Variants in RANBP2 observed in about 807,000 individuals in gnomAD.
RANBP2 encodes the protein RAN binding protein 2.
A neutral mutation model predicts 303.6 loss-of-function variants in RANBP2; 57 were observed. The observed-to-expected ratio is 0.19, with a 90% CI of 0.15 to 0.23. RANBP2 has a LOEUF of 0.23. Ranked by LOEUF, RANBP2 falls within the 10% of genes least tolerant of loss-of-function variation. RANBP2 has a pLI of 1.00. For synonymous variants in RANBP2, 1,167 were observed against 1,301.5 expected (o/e 0.90, Z 2.23); for missense variants, 3,138 against 3,780.8 (o/e 0.83, Z 4.46).
the RANBP2 span, among the ~76,000 whole-genome samples, chr2:109,637,605 G>T: frequency 6.6e-6 from 1 of 152,146 alleles, no homozygotes; most frequent in African/African-American, 2.4e-5. Flanking sequence ...CAAGTATACT[G>T]CTTGTAAACA....
At chr2:109,369,616 C>T in the RANBP2 span, among the ~76,000 whole-genome samples, 1 of 152,168 alleles carries the variant, frequency 6.6e-6, no homozygotes, top group Admixed American at 6.5e-5. Context: ...GTGATTGCCT[C>T]TGGTGGCCCC....
chr2:108,999,627 T>A, the RANBP2 span, among the ~76,000 whole-genome samples: 20 of 152,234 alleles, frequency 1.3e-4, no homozygotes, highest in African/African-American at 4.8e-4. Flanking sequence ...CCTGGTAGGC[T>A]GAGGGTGAAA....
chr2:109,574,166 T>C, the RANBP2 span, among the ~76,000 whole-genome samples: 1 of 152,032 alleles, frequency 6.6e-6, no homozygotes, highest in Non-Finnish European at 1.5e-5. Context: ...GCGCTGGGCA[T>C]GGTGGCTCAT....
chr2:109,028,433 C>T, the RANBP2 span, among the ~76,000 whole-genome samples: 1 of 152,222 alleles, frequency 6.6e-6, no homozygotes, highest in Non-Finnish European at 1.5e-5. Context: ...GGCCCTGCTG[C>T]TGCACCCTGG....
At chr2:108,938,733 C>T in the RANBP2 span, among the ~76,000 whole-genome samples, 1 of 147,674 alleles carries the variant, frequency 6.8e-6, no homozygotes, top group East Asian at 2.0e-4. Flanking sequence ...GAAAAGTTAT[C>T]ATAACTAACA....
the RANBP2 span, among the ~76,000 whole-genome samples, chr2:109,320,045 G>A: frequency 6.6e-6 from 1 of 152,154 alleles, no homozygotes; most frequent in Non-Finnish European, 1.5e-5. Flanking sequence ...AGGTCTTCAC[G>A]GAGCTACTTC....
chr2:109,054,264 A>C, the RANBP2 span, among the ~76,000 whole-genome samples: 2 of 152,192 alleles, frequency 1.3e-5, no homozygotes, highest in Admixed American at 6.5e-5. Flanking sequence ...GGTCTATGCA[A>C]GAGGAGCTTC....
the RANBP2 span, among the ~76,000 whole-genome samples, chr2:108,876,821 A>G: frequency 6.6e-6 from 1 of 152,164 alleles, no homozygotes; most frequent in African/African-American, 2.4e-5. Context: ...TGGAGCATGT[A>G]TATACAAGGC....
the RANBP2 span, chr2:109,347,910 G>A: frequency 6.2e-7 from 1 of 1,610,246 alleles, no homozygotes; most frequent in East Asian, 2.2e-5. Flanking sequence ...TCGAGATGAA[G>A]GACAAAGACC....
chr2:109,052,885 G>A, the RANBP2 span, among the ~76,000 whole-genome samples: 1 of 152,166 alleles, frequency 6.6e-6, no homozygotes, highest in Non-Finnish European at 1.5e-5. Flanking sequence ...ATTACTAGAG[G>A]AAACTCTCAC....
At chr2:109,334,548 G>T in the RANBP2 span, among the ~76,000 whole-genome samples, 1 of 152,120 alleles carries the variant, frequency 6.6e-6, no homozygotes, top group Non-Finnish European at 1.5e-5. Flanking sequence ...GCCAGCAGGG[G>T]AACCCTCACC....
chr2:109,140,078 G>A, the RANBP2 span, among the ~76,000 whole-genome samples: 306 of 152,288 alleles, frequency 2.0e-3, 7 homozygotes, highest in South Asian at 0.046. Flanking sequence ...ACAGGTCTGC[G>A]GAAGGCTTTC....
the RANBP2 span, among the ~76,000 whole-genome samples, chr2:109,186,029 C>T: frequency 6.6e-6 from 1 of 152,238 alleles, no homozygotes; most frequent in Non-Finnish European, 1.5e-5. Context: ...TTCCCTTAGT[C>T]ACTGGGATCC....
At chr2:109,580,879 TG>T in the RANBP2 span, among the ~76,000 whole-genome samples, 4 of 152,146 alleles carry the variant, frequency 2.6e-5, no homozygotes, top group African/African-American at 9.7e-5. Context: ...GCACAGCGCC[TG>T]GCCATTCACT....
chr2:108,939,623 G>A, the RANBP2 span, among the ~76,000 whole-genome samples: 1 of 152,268 alleles, frequency 6.6e-6, no homozygotes, highest in East Asian at 1.9e-4. Context: ...AGGAAGTGCA[G>A]TCACAGTGTA....
Position 108,768,119 on chromosome 2 carries a change from G to A in RANBP2, c.7580G>A (p.Ser2527Asn), listed in dbSNP as rs1442917716. The change falls in exon 20 of 29, where the codon AGT (serine) becomes AAT (asparagine). Residue 2527 changes from serine to asparagine, a missense_variant. Transcript: ENST00000283195. Reference sequence around the variant, plus strand: ...GAGTCTGTTAAAAGCATTTTTAGTAGTGAAAAATCAAAACCATTTGCATTC... The same window carrying A: ...GAGTCTGTTAAAAGCATTTTTAGTAATGAAAAATCAAAACCATTTGCATTC... ...GSESVKSIFS[S>N]EKSKPFAFGN... 1 of 1,612,014 alleles carries A rather than the reference G, an allele frequency of 6.2e-7. No homozygotes were observed. Among genetic ancestry groups the A allele is most frequent in the Non-Finnish European group, 8.5e-7 (1 of 1,179,864 alleles).
At chr2:109,617,518 G>A in the RANBP2 span, 153 of 167,134 alleles carry the variant, frequency 9.2e-4, no homozygotes, top group African/African-American at 3.6e-3. Context: ...TTTTGAGAGG[G>A]ACTAATTTAA....
chr2:108,721,809 G>C lies in RANBP2; in HGVS notation c.72+2131G>C, dbSNP rs183242739. Among the ~76,000 whole-genome samples, 1,009 of 152,140 alleles carry C rather than the reference G, an allele frequency of 6.6e-3. 10 individuals are homozygous for C. The highest frequency in any genetic ancestry group is 0.012 in the Non-Finnish European group (829 of 67,998). On this transcript the variant is annotated intron_variant, in intron 1 of 28. Coordinates refer to ENST00000283195, the MANE Select transcript of RANBP2 (RefSeq NM_006267.5). ...CAGGCTGGAGTGCTGTGGCGGGATC[G>C]TGGCTCACTGCAGCGTTGACGTCCT... is the stretch of plus-strand genomic sequence containing the variant.
chr2:108,896,289 A>T, the RANBP2 span: 1 of 153,574 alleles, frequency 6.5e-6, no homozygotes, highest in African/African-American at 2.4e-5. Flanking sequence ...ATAGGGTATT[A>T]ACAGACTTGT....
Sources: gnomAD v4.1 joint callset for allele counts (sites outside exome capture counted in the v4.1 genomes callset) on GRCh38, gnomAD v4.1.1 for gene constraint, MANE v1.5 for transcripts, NCBI Gene and HGNC (gene_info 2026-07-23, HGNC 2026-07-21) for gene names.